ZFHX3: variants seen among roughly 807,000 people sequenced by gnomAD.
ZFHX3 encodes zinc finger homeobox 3, also known as zinc finger homeobox protein 3.
In ZFHX3, 42 loss-of-function variants were observed where a neutral mutation model predicts 279.1. The ratio of observed to expected loss-of-function variants is 0.15; its 90% CI spans 0.12 to 0.19. The LOEUF is 0.19. Among genes scored for constraint, ZFHX3 ranks in the 10% least tolerant of loss-of-function variants. The probability of loss-of-function intolerance (pLI) is 1.00; values close to 1 mark genes in which losing one functional copy is unlikely to be tolerated. For missense variants in ZFHX3, 4,981 were observed against 4,754.0 expected, an observed-to-expected ratio of 1.05 and a Z score of -1.40; for synonymous variants, 2,293 against 1,957.8, an observed-to-expected ratio of 1.17 and a Z score of -4.52.
intron 1 of ZFHX3, among the ~76,000 whole-genome samples, chr16:73,878,085 C>A (rs990753871): frequency 2.6e-5 from 4 of 151,848 alleles, no homozygotes; most frequent in Admixed American, 2.6e-4. Flanking sequence ...AAGTGAGGGA[C>A]CCTCATTTAA....
In ZFHX3 at chr16:73,318,730, G is replaced by A. The variant is rs147089336; in HGVS notation, c.-1290-394C>T. On this transcript the variant is annotated intron_variant, in intron 3 of 17. Transcript: ENST00000641206. ...TCCTGTGCTGGTGGTACAGCTTCGC[G>A]GTGTCATTAGTAAACTAACGGTATA... Among the ~76,000 whole-genome samples, 905 of 152,160 alleles carry A rather than the reference G, an allele frequency of 5.9e-3. 6 individuals are homozygous for A. Among genetic ancestry groups the A allele is most frequent in the African/African-American group, 0.021 (871 of 41,500 alleles).
At chr16:72,951,124 C>T (rs1343451633) in intron 2 of ZFHX3, among the ~76,000 whole-genome samples, 159 bp from the exon 3 acceptor site, 3 of 152,054 alleles carry the variant, frequency 2.0e-5, no homozygotes, top group Non-Finnish European at 4.4e-5. Context: ...AACAAGCAAA[C>T]AAACAAACAC....
At chr16:73,055,758 G>A (rs889395752) in intron 1 of ZFHX3, among the ~76,000 whole-genome samples, 11 of 142,604 alleles carry the variant, frequency 7.7e-5, no homozygotes, top group Admixed American at 7.1e-4. Flanking sequence ...CCAGGCCATG[G>A]GACCAGCTCC....
At chr16:73,781,117 G>A (rs1396840290) in intron 1 of ZFHX3, among the ~76,000 whole-genome samples, 4 of 152,180 alleles carry the variant, frequency 2.6e-5, no homozygotes, top group Non-Finnish European at 5.9e-5. Context: ...AGCTCTCAAG[G>A]AAGTCGGAGT....
intron 2 of ZFHX3, among the ~76,000 whole-genome samples, chr16:73,672,759 C>G (rs1242830224): frequency 6.6e-6 from 1 of 151,984 alleles, no homozygotes; most frequent in African/African-American, 2.4e-5. Flanking sequence ...ATACCTTATA[C>G]TTTTATACAT....
intron 3 of ZFHX3, among the ~76,000 whole-genome samples, chr16:73,399,033 A>AT (rs531100796): frequency 0.5 from 69,121 of 139,496 alleles, 17,138 homozygotes; most frequent in East Asian, 0.6. Flanking sequence ...CCCCCCGCTA[A>AT]TTTTTTTTTT....
chr16:73,573,367 C>T lies in ZFHX3; in HGVS notation c.-1547+106813G>A, dbSNP rs572207232. Among the ~76,000 whole-genome samples, 131 of 152,276 alleles carry T rather than the reference C, an allele frequency of 8.6e-4. 1 individual carries two copies. Among genetic ancestry groups the T allele is most frequent in the Non-Finnish European group, 1.3e-3 (90 of 68,024 alleles). Reference sequence around the variant, plus strand: ...ATGGTCAAATGTCATTTCTCCTGCGCTGTTCTGGGTTAGAGTATGCAGGTT... The same window carrying T: ...ATGGTCAAATGTCATTTCTCCTGCGTTGTTCTGGGTTAGAGTATGCAGGTT... On this transcript the variant is annotated intron_variant, in intron 2 of 17. Coordinates refer to the ZFHX3 transcript ENST00000641206.
intron 2 of ZFHX3, among the ~76,000 whole-genome samples, chr16:73,517,006 T>G (rs898944085): frequency 2.0e-5 from 3 of 152,208 alleles, no homozygotes; most frequent in African/African-American, 4.8e-5. Flanking sequence ...ACCGTGCACA[T>G]TTAGGGTAAT....
chr16:73,361,214 C>T (rs999927318), intron 3 of ZFHX3, among the ~76,000 whole-genome samples: 2 of 152,212 alleles, frequency 1.3e-5, no homozygotes, highest in African/African-American at 4.8e-5. Flanking sequence ...GGATTCGTGC[C>T]CTTGTTTGCC....
At chr16:73,467,768 T>G (rs767504854) in intron 2 of ZFHX3, among the ~76,000 whole-genome samples, 9 of 152,212 alleles carry the variant, frequency 5.9e-5, no homozygotes, top group Non-Finnish European at 7.3e-5. Flanking sequence ...TCATTGGCCC[T>G]GAGACAAATT....
chr16:73,385,847 G>A (rs1297274389), intron 3 of ZFHX3, among the ~76,000 whole-genome samples: 6 of 152,124 alleles, frequency 3.9e-5, no homozygotes, highest in Non-Finnish European at 7.4e-5. Flanking sequence ...TTGTTCCCAC[G>A]GAAGGTGATG....
At chr16:72,903,268 G>A (rs1597363329) in intron 3 of ZFHX3, among the ~76,000 whole-genome samples, 1 of 152,338 alleles carries the variant, frequency 6.6e-6, no homozygotes, top group Middle Eastern at 3.4e-3. Flanking sequence ...TTCTCAAAGT[G>A]TGGCTCCTCA....
intron 1 of ZFHX3, among the ~76,000 whole-genome samples, chr16:73,839,047 C>T (rs1027009716): frequency 1.3e-5 from 2 of 151,908 alleles, no homozygotes; most frequent in East Asian, 1.9e-4. Context: ...GCATCCCAGG[C>T]GGCTGCTACT....
rs117941274 is a variant in ZFHX3, at chr16:73,711,120, T to C, written c.-1607-30880A>G. On this transcript the variant is annotated intron_variant, in intron 1 of 17. Coordinates refer to the ZFHX3 transcript ENST00000641206. ...AACACAGACCTTGTCCATTTGGGGG[T>C]TGTTTTATTTAACTGAAGGGTTTAA... Among the ~76,000 whole-genome samples the C allele has an allele frequency of 6.7e-3, 1,027 of 152,184 alleles. 7 individuals are homozygous for C. The highest frequency in any genetic ancestry group is 0.01 in the Non-Finnish European group (700 of 68,008).
chr16:73,253,925 T>A (rs1433417483), intron 5 of ZFHX3, among the ~76,000 whole-genome samples: 1 of 152,070 alleles, frequency 6.6e-6, no homozygotes, highest in East Asian at 1.9e-4. Context: ...AGAAAAAAAA[T>A]TGCCTGCTAA....
intron 1 of ZFHX3, among the ~76,000 whole-genome samples, chr16:73,695,242 GT>G (rs5817868): frequency 1.9e-4 from 27 of 139,270 alleles, no homozygotes; most frequent in Non-Finnish European, 3.2e-4. Flanking sequence ...GTTTTTTTTT[GT>G]TTTTTTTTTT....
intron 3 of ZFHX3, among the ~76,000 whole-genome samples, chr16:72,903,774 G>C (rs1181927312): frequency 6.6e-6 from 1 of 152,078 alleles, no homozygotes; most frequent in Non-Finnish European, 1.5e-5. Context: ...AGAATAACTG[G>C]GTCTTTTGAA....
At chr16:73,172,931 GTT>G (rs376709821) in intron 5 of ZFHX3, among the ~76,000 whole-genome samples, 57 of 97,162 alleles carry the variant, frequency 5.9e-4, no homozygotes, top group African/African-American at 2.2e-3. Flanking sequence ...GCTGCCTGTG[GTT>G]TTTTTTTTTT....
intron 2 of ZFHX3, among the ~76,000 whole-genome samples, chr16:73,587,549 A>G (rs1010456125): frequency 5.3e-5 from 8 of 152,168 alleles, no homozygotes; most frequent in Non-Finnish European, 1.0e-4. Context: ...TTTGCATGCC[A>G]ACACTCCACC....
Sources: gnomAD v4.1 joint callset for allele counts (sites outside exome capture counted in the v4.1 genomes callset) on GRCh38, gnomAD v4.1.1 for gene constraint, MANE v1.5 for transcripts, NCBI Gene and HGNC (gene_info 2026-07-23, HGNC 2026-07-21) for gene names.